Variants in CLNK observed in about 807,000 individuals in gnomAD.
The protein encoded by CLNK is cytokine-dependent hematopoietic cell linker.
CLNK carries 74 observed loss-of-function variants against 68.6 expected under a neutral mutation model. The ratio of observed to expected loss-of-function variants is 1.08; its 90% confidence interval spans 0.89 to 1.31. The LOEUF is 1.31. Ranked by LOEUF, CLNK falls within the 50% of genes most tolerant of loss-of-function variation. CLNK has a pLI of 0.00. For synonymous variants in CLNK, 198 were observed against 172.2 expected (o/e 1.15, Z -1.17); for missense variants, 553 against 515.3 (o/e 1.07, Z -0.71).
At chr4:10,691,149 T>TG in the CLNK span, among the ~76,000 whole-genome samples, 1 of 152,106 alleles carries the variant, frequency 6.6e-6, no homozygotes, top group Non-Finnish European at 1.5e-5. Flanking sequence ...GAATTAGCTT[T>TG]GGGGGTCTAA....
the CLNK span, among the ~76,000 whole-genome samples, chr4:10,709,782 C>T: frequency 3.3e-5 from 5 of 152,172 alleles, no homozygotes; most frequent in Non-Finnish European, 7.4e-5. Context: ...TAAACACCAA[C>T]AGGCTAGACT....
At chr4:10,685,691 G>A (rs1725245952), upstream of CLNK, among the ~76,000 whole-genome samples, 1 of 152,062 alleles carries the variant, frequency 6.6e-6, no homozygotes, top group Admixed American at 6.6e-5. Context: ...GACACCCCAA[G>A]GAAAACATGA....
At chr4:10,525,509 G>T (rs1215806868) in intron 14 of CLNK, among the ~76,000 whole-genome samples, 2 of 152,188 alleles carry the variant, frequency 1.3e-5, no homozygotes, top group African/African-American at 4.8e-5. Context: ...TAAAGCTTTG[G>T]TGTGGTCATC....
chr4:10,513,025 G>A (rs1717660997), intron 16 of CLNK, among the ~76,000 whole-genome samples: 1 of 152,080 alleles, frequency 6.6e-6, no homozygotes, highest in Non-Finnish European at 1.5e-5. Context: ...CTAGCACATT[G>A]TCTGGCACAT....
chr4:10,677,234 G>A (rs1724911221), intron 1 of CLNK, among the ~76,000 whole-genome samples: 1 of 152,228 alleles, frequency 6.6e-6, no homozygotes, highest in African/African-American at 2.4e-5. Context: ...GGTGAAGATA[G>A]ATCCAGTAAA....
intron 5 of CLNK, among the ~76,000 whole-genome samples, chr4:10,570,135 G>A (rs1265651879): frequency 6.6e-6 from 1 of 152,202 alleles, no homozygotes; most frequent in Non-Finnish European, 1.5e-5. Context: ...ATGGGTATTT[G>A]TGCAAAGGTG....
chr4:10,605,355 G>A (rs138374749), intron 2 of CLNK, among the ~76,000 whole-genome samples: 245 of 152,208 alleles, frequency 1.6e-3, no homozygotes, highest in African/African-American at 5.3e-3. Flanking sequence ...AAACCGAGAC[G>A]GTGGAACCTA....
At chr4:10,657,743 A>G (rs933992951) in intron 2 of CLNK, among the ~76,000 whole-genome samples, 3 of 152,206 alleles carry the variant, frequency 2.0e-5, no homozygotes, top group Non-Finnish European at 4.4e-5. Flanking sequence ...CCAGACGGCC[A>G]ACACAGGATT....
At chr4:10,522,125 G>C (rs1205605208) in intron 14 of CLNK, among the ~76,000 whole-genome samples, 2 of 151,900 alleles carry the variant, frequency 1.3e-5, no homozygotes, top group African/African-American at 2.4e-5. Flanking sequence ...GGGCATGGTG[G>C]TGGGCACCTG....
At chr4:10,631,575 G>T (rs530790910) in intron 2 of CLNK, among the ~76,000 whole-genome samples, 1 of 152,168 alleles carries the variant, frequency 6.6e-6, no homozygotes, top group African/African-American at 2.4e-5. Flanking sequence ...TATATGCAAT[G>T]GTCAGGAACT....
Position 10,662,312 on chromosome 4 carries a change from G to A in CLNK, c.11+5547C>T, listed in dbSNP as rs114050886. On this transcript the variant is annotated intron_variant, in intron 2 of 18. Coordinates refer to ENST00000226951, the MANE Select transcript of CLNK (RefSeq NM_052964.4). ...AAACTGCCAAATAAAATACAGGTTC[G>A]CCATGCTTGATCTAAATCCCCTGGG... Among the ~76,000 whole-genome samples, 592 of 152,282 alleles carry A rather than the reference G, an allele frequency of 3.9e-3. 3 individuals carry two copies. The highest frequency in any genetic ancestry group is 0.013 in the African/African-American group (533 of 41,558).
At chr4:10,671,207 G>A (rs937320727) in intron 1 of CLNK, among the ~76,000 whole-genome samples, 4 of 152,030 alleles carry the variant, frequency 2.6e-5, no homozygotes, top group African/African-American at 4.8e-5. Context: ...CCAACATGGT[G>A]GAACCCGTCT....
chr4:10,563,735 C>T (rs929256548), intron 7 of CLNK, among the ~76,000 whole-genome samples: 1 of 152,020 alleles, frequency 6.6e-6, no homozygotes, highest in African/African-American at 2.4e-5. Context: ...GGTGAAATCC[C>T]ATCTCTACTA....
At chr4:10,568,329 A>G (rs1233071677) in intron 5 of CLNK, among the ~76,000 whole-genome samples, 1 of 152,222 alleles carries the variant, frequency 6.6e-6, no homozygotes, top group Non-Finnish European at 1.5e-5. Flanking sequence ...AATGTCTGGA[A>G]GAGGAGGATC....
chr4:10,570,236 G>A (rs1376103874), intron 5 of CLNK, among the ~76,000 whole-genome samples: 2 of 152,180 alleles, frequency 1.3e-5, no homozygotes, highest in Non-Finnish European at 2.9e-5. Flanking sequence ...ACTGGGATGT[G>A]AGCCTGAACC....
chr4:10,699,268 C>CACACACCACGTATGTGTGTAT, the CLNK span, among the ~76,000 whole-genome samples: 1 of 32,414 alleles, frequency 3.1e-5, no homozygotes, highest in African/African-American at 8.3e-5. Context: ...TGTGTATACA[C>CACACACCACGTATGTGTGTAT]ACACACACAC....
At chr4:10,535,213 G>GAGAAGGAAAGAAAGAA (rs1718700147) in intron 11 of CLNK, among the ~76,000 whole-genome samples, 1 of 131,298 alleles carries the variant, frequency 7.6e-6, no homozygotes, top group Admixed American at 8.4e-5. Flanking sequence ...AAGAAAGAAA[G>GAGAAGGAAAGAAAGAA]AGAAAGAAAG....
intron 4 of CLNK, among the ~76,000 whole-genome samples, chr4:10,575,650 G>T (rs183704424): frequency 6.6e-6 from 1 of 152,242 alleles, no homozygotes; most frequent in African/African-American, 2.4e-5. Flanking sequence ...GCCCTGGGGC[G>T]TTGGCTGTGA....
the CLNK span, among the ~76,000 whole-genome samples, chr4:10,711,066 G>A: frequency 2.0e-5 from 3 of 152,166 alleles, no homozygotes; most frequent in African/African-American, 4.8e-5. Context: ...TTAAGGTGTG[G>A]TGGTTCCAGC....
Sources: gnomAD v4.1 joint callset for allele counts (sites outside exome capture counted in the v4.1 genomes callset) on GRCh38, gnomAD v4.1.1 for gene constraint, MANE v1.5 for transcripts, NCBI Gene and HGNC (gene_info 2026-07-23, HGNC 2026-07-21) for gene names.